Variants in VSTM4 observed in about 807,000 individuals in gnomAD.
VSTM4 encodes V-set and transmembrane domain containing 4.
A neutral mutation model predicts 36.4 loss-of-function variants in VSTM4; 20 were observed. That is an observed-to-expected ratio of 0.55 (90% CI 0.39 to 0.80). The LOEUF is 0.80. VSTM4 is among the 30% of genes least tolerant of loss of function. The pLI, the probability that VSTM4 is intolerant of heterozygous loss-of-function variation, is 0.00. For synonymous variants in VSTM4, 182 were observed against 173.9 expected, an observed-to-expected ratio of 1.05 and a Z score of -0.37; for missense variants, 392 against 404.5, an observed-to-expected ratio of 0.97 and a Z score of 0.26.
chr10:49,108,995 C>G (rs993808014), intron 1 of VSTM4, among the ~76,000 whole-genome samples: 1 of 152,170 alleles, frequency 6.6e-6, no homozygotes, highest in Admixed American at 6.5e-5. Context: ...GCAGGCAGGG[C>G]CCGAGAAAAG....
At chr10:49,091,528 G>A (rs187020598) in intron 2 of VSTM4, among the ~76,000 whole-genome samples, 2 of 152,318 alleles carry the variant, frequency 1.3e-5, no homozygotes, top group Non-Finnish European at 2.9e-5. Context: ...GACCTGGGGG[G>A]AAACCATCAC....
Position 49,016,314 on chromosome 10 carries a change from A to T in VSTM4, c.*3336T>A, listed in dbSNP as rs1400362987. ...TTGGGTAGAGTCCTGCCCTTCCAGG[A>T]CATTCTCCTCCCTGCTGCTTGCTCA... On this transcript the variant is annotated 3_prime_UTR_variant, in exon 8 of 8. Coordinates refer to ENST00000332853, the MANE Select transcript of VSTM4 (RefSeq NM_001031746.5). 6.6e-6 allele frequency: 1 copy of T among 152,206 alleles called. No individual in the cohort carries two copies. Among genetic ancestry groups the T allele is most frequent in the Non-Finnish European group, 1.5e-5 (1 of 68,062 alleles). The allele number at this position is 152,206 out of a possible 1,614,324, so 9.4% of individuals were successfully genotyped here.
At position 49,115,462 on chromosome 10, in the gene VSTM4, CGCCGCCAGTGCCAGCA is replaced by C. The variant is rs1458867410; in HGVS notation, c.8_23del (p.Leu3ArgfsTer67). ...CCGGAGCCCGCGCCAGCAGCGCGGC[CGCCGCCAGTGCCAGCA>C]GCCGCATCTCCCCGCCGCCGCCCGG... On this transcript the variant is annotated frameshift_variant, in exon 1 of 8. Transcript: ENST00000332853. LOFTEE classifies it high-confidence loss of function. 9.6e-7 allele frequency: 1 copy of C among 1,037,468 alleles called. No individual in the cohort carries two copies. Among genetic ancestry groups the C allele is most frequent in the Non-Finnish European group, 1.2e-6 (1 of 859,076 alleles). The allele number at this position is 1,037,468 out of a possible 1,614,324, so 64.3% of individuals were successfully genotyped here.
intron 5 of VSTM4, 42 bp from the exon 6 acceptor site, chr10:49,048,626 G>T: frequency 6.6e-7 from 1 of 1,517,546 alleles, no homozygotes; most frequent in Non-Finnish European, 8.9e-7. Flanking sequence ...AGGCAGATTT[G>T]TTGCAAAAGA....
intron 7 of VSTM4, among the ~76,000 whole-genome samples, chr10:49,030,754 G>A (rs1235084568): frequency 3.3e-5 from 5 of 152,238 alleles, no homozygotes; most frequent in Admixed American, 6.5e-5. Context: ...TTCAAGGACA[G>A]GCAGAGGTGA....
chr10:49,062,738 G>A (rs1256516073), intron 5 of VSTM4, among the ~76,000 whole-genome samples: 2 of 152,172 alleles, frequency 1.3e-5, no homozygotes, highest in Non-Finnish European at 2.9e-5. Context: ...ATGATAGAAT[G>A]TTGGATCTTT....
At position 49,070,116 on chromosome 10, in the gene VSTM4, A is replaced by G. The variant is rs1352782861; in HGVS notation, c.635-5380T>C. 4.4e-5 allele frequency among the ~76,000 whole-genome samples: 5 copies of G among 113,442 alleles called. 1 individual carries two copies. The highest frequency in any genetic ancestry group is 1.8e-4 in the African/African-American group (4 of 21,890). 74.4% of individuals were successfully genotyped at this position (113,442 alleles called of 152,430 possible). A position where few individuals can be genotyped will look rare whatever the true frequency, so the allele number is the denominator to read the frequency against. ...AAATACAAAAAAATCAGCCGGGCGT[A>G]GTGGCGGGCGCCTGTAGTCCCAGCT... On this transcript the variant is annotated intron_variant, in intron 4 of 7. Transcript: ENST00000332853.
At chr10:49,047,143 C>G (rs1843625243) in intron 6 of VSTM4, 99 bp from the exon 7 acceptor site, 2 of 1,220,368 alleles carry the variant, frequency 1.6e-6, no homozygotes, top group Non-Finnish European at 2.4e-6. Flanking sequence ...AGGTCTCATA[C>G]CCCTTCCTGG....
chr10:49,049,755 C>CT (rs34122268), intron 5 of VSTM4, among the ~76,000 whole-genome samples: 214 of 148,178 alleles, frequency 1.4e-3, no homozygotes, highest in African/African-American at 4.6e-3. Context: ...ATACTGACTT[C>CT]TTTTTTTTTT....
intron 1 of VSTM4, among the ~76,000 whole-genome samples, chr10:49,112,455 C>G (rs947223491): frequency 2.0e-5 from 3 of 152,200 alleles, no homozygotes; most frequent in African/African-American, 7.2e-5. Flanking sequence ...TAGGTGTGAG[C>G]CTCCTGGAGT....
intron 5 of VSTM4, among the ~76,000 whole-genome samples, chr10:49,054,824 G>T (rs1467440954): frequency 6.6e-6 from 1 of 152,130 alleles, no homozygotes; most frequent in Non-Finnish European, 1.5e-5. Flanking sequence ...CCATCAAATG[G>T]TCCTTCTAAT....
intron 5 of VSTM4, among the ~76,000 whole-genome samples, chr10:49,056,521 G>T (rs1483849622): frequency 1.3e-5 from 2 of 152,262 alleles, no homozygotes; most frequent in Admixed American, 6.5e-5. Flanking sequence ...GTTAGGAAGA[G>T]AGATGACTCA....
At chr10:49,085,922 G>A (rs775680106) in intron 3 of VSTM4, 33 bp downstream of exon 3, 1 of 1,357,220 alleles carries the variant, frequency 7.4e-7, no homozygotes, top group South Asian at 1.3e-5. Flanking sequence ...AGCAACTATA[G>A]AGCAATAAAA....
chr10:49,084,881 G>A (rs567867544), intron 3 of VSTM4, among the ~76,000 whole-genome samples: 2 of 152,316 alleles, frequency 1.3e-5, no homozygotes, highest in African/African-American at 4.8e-5. Context: ...GATACTTGGA[G>A]CCAAAATTCT....
intron 7 of VSTM4, among the ~76,000 whole-genome samples, chr10:49,034,189 A>G (rs1843391672): frequency 1.2e-5 from 1 of 80,164 alleles, no homozygotes; most frequent in Non-Finnish European, 3.9e-5. Context: ...TACCATTATC[A>G]CCACCATCAT....
intron 5 of VSTM4, among the ~76,000 whole-genome samples, chr10:49,061,317 TGAATGTCCCATGGA>T (rs1191143076): frequency 2.6e-5 from 4 of 152,152 alleles, no homozygotes; most frequent in Admixed American, 2.6e-4. Context: ...TCTATTTTGA[TGAATGTCCCATGGA>T]GCCTTGAAAA....
chr10:49,021,877 T>C lies in VSTM4; in HGVS notation c.838-2102A>G, dbSNP rs184010941. Among the ~76,000 whole-genome samples, 21 of 152,336 alleles carry C rather than the reference T, an allele frequency of 1.4e-4. No homozygotes were observed. The East Asian group carries it at 3.5e-3, about 25-fold the overall frequency. On this transcript the variant is annotated intron_variant, in intron 7 of 7. Transcript: ENST00000332853. ...AGGGAGGAGCTATATGTGTACTTTATATTTCACTATCATATCCTGTGTAAA... is the reference window on the plus strand; with the variant it reads ...AGGGAGGAGCTATATGTGTACTTTACATTTCACTATCATATCCTGTGTAAA...
At chr10:49,054,916 TG>T (rs2131967617) in intron 5 of VSTM4, among the ~76,000 whole-genome samples, 1 of 143,688 alleles carries the variant, frequency 7.0e-6, no homozygotes, top group East Asian at 2.0e-4. Flanking sequence ...ATCTCAAAGA[TG>T]CTGGGTGCTT....
intron 1 of VSTM4, among the ~76,000 whole-genome samples, chr10:49,111,883 C>T (rs7077339): frequency 0.055 from 8,446 of 152,254 alleles, 793 homozygotes; most frequent in African/African-American, 0.19. Context: ...AGATCCTGAT[C>T]TAGACTTCGG....
Sources: gnomAD v4.1 joint callset for allele counts (sites outside exome capture counted in the v4.1 genomes callset) on GRCh38, gnomAD v4.1.1 for gene constraint, MANE v1.5 for transcripts, NCBI Gene and HGNC (gene_info 2026-07-23, HGNC 2026-07-21) for gene names.